Variants in FBXL7 observed in about 807,000 individuals in gnomAD.
FBXL7 encodes the protein F-box/LRR-repeat protein 7.
A neutral mutation model predicts 38.3 loss-of-function variants in FBXL7; 12 were observed. That is an observed-to-expected ratio of 0.31 (90% CI 0.20 to 0.51). The LOEUF (loss-of-function observed/expected upper bound fraction) is 0.51. Ranked by LOEUF, FBXL7 falls within the 20% of genes least tolerant of loss-of-function variation. The pLI is 0.98. For missense variants in FBXL7, 567 were observed against 676.4 expected (o/e 0.84, Z 1.79); for synonymous variants, 297 against 300.9 (o/e 0.99, Z 0.13).
At chr5:15,522,490 A>G (rs1426873717) in intron 1 of FBXL7, among the ~76,000 whole-genome samples, 3 of 152,202 alleles carry the variant, frequency 2.0e-5, no homozygotes, top group East Asian at 1.9e-4. Flanking sequence ...ATGCAAATGC[A>G]TACTCGACCT....
At chr5:15,778,517 A>G (rs59041652) in intron 2 of FBXL7, among the ~76,000 whole-genome samples, 9,594 of 152,202 alleles carry the variant, frequency 0.063, 310 homozygotes, top group East Asian at 0.1. Flanking sequence ...TTTGAGGACC[A>G]CTGACCTGAT....
At chr5:15,860,240 G>A (rs1216906763) in intron 2 of FBXL7, among the ~76,000 whole-genome samples, 1 of 152,158 alleles carries the variant, frequency 6.6e-6, no homozygotes, top group African/African-American at 2.4e-5. Flanking sequence ...TTCTATTTAT[G>A]TGGACACATA....
At chr5:15,662,600 C>T (rs1442077151) in intron 2 of FBXL7, among the ~76,000 whole-genome samples, 3 of 152,062 alleles carry the variant, frequency 2.0e-5, no homozygotes, top group Non-Finnish European at 4.4e-5. Flanking sequence ...ATAGTATTGC[C>T]TAGATTGTCT....
At chr5:15,633,558 A>C (rs1280870907) in intron 2 of FBXL7, among the ~76,000 whole-genome samples, 1 of 151,828 alleles carries the variant, frequency 6.6e-6, no homozygotes, top group African/African-American at 2.4e-5. Context: ...ATACATTTCC[A>C]AACTGAAGTT....
chr5:15,788,129 C>T (rs530262254), intron 2 of FBXL7, among the ~76,000 whole-genome samples: 84 of 152,258 alleles, frequency 5.5e-4, no homozygotes, highest in Middle Eastern at 3.4e-3. Flanking sequence ...GTGTCCTCTC[C>T]TCTTCTTCTT....
In FBXL7 at chr5:15,861,887, C is replaced by T. The variant is rs563644121; in HGVS notation, c.128-66003C>T. On this transcript the variant is annotated intron_variant, in intron 2 of 3. Transcript: ENST00000504595. ...GTCTAAGGACCTAGGTTGCAGTAAT[C>T]TTCTACAAATACATATTTTAATATA... Among the ~76,000 whole-genome samples the T allele has an allele frequency of 2.6e-3, 401 of 152,296 alleles. 2 individuals carry two copies. The highest frequency in any genetic ancestry group is 4.7e-3 in the Non-Finnish European group (321 of 68,022).
intron 2 of FBXL7, among the ~76,000 whole-genome samples, chr5:15,739,440 G>A (rs1735837968): frequency 1.3e-5 from 2 of 152,274 alleles, no homozygotes; most frequent in South Asian, 4.2e-4. Context: ...ACAGTTCAGT[G>A]GGTTTTAGTG....
At chr5:15,920,624 G>A (rs994070901) in intron 2 of FBXL7, among the ~76,000 whole-genome samples, 6 of 151,924 alleles carry the variant, frequency 3.9e-5, no homozygotes, top group African/African-American at 9.7e-5. Flanking sequence ...GGGTTCAAGC[G>A]ATTCTCCTGC....
At chr5:15,541,030 A>ATATATG (rs1359531690) in intron 1 of FBXL7, among the ~76,000 whole-genome samples, 1 of 151,252 alleles carries the variant, frequency 6.6e-6, no homozygotes, top group East Asian at 1.9e-4. Context: ...CTCCTTATCC[A>ATATATG]TATATGTATA....
intron 2 of FBXL7, among the ~76,000 whole-genome samples, chr5:15,650,126 C>G (rs1249300482): frequency 6.6e-6 from 1 of 152,136 alleles, no homozygotes. Flanking sequence ...AACTGAGCCA[C>G]AGACCAACAT....
At chr5:15,893,355 GGCC>G (rs534058611) in intron 2 of FBXL7, among the ~76,000 whole-genome samples, 292 of 152,164 alleles carry the variant, frequency 1.9e-3, no homozygotes, top group African/African-American at 6.8e-3. Flanking sequence ...AACAAGAAAT[GGCC>G]AGAGTTAATT....
At chr5:15,588,568 G>T (rs1195900086) in intron 1 of FBXL7, among the ~76,000 whole-genome samples, 1 of 151,978 alleles carries the variant, frequency 6.6e-6, no homozygotes, top group Non-Finnish European at 1.5e-5. Context: ...TGTATTTTTA[G>T]TAGAGACAGG....
chr5:15,839,436 A>AT (rs150092463), intron 2 of FBXL7, among the ~76,000 whole-genome samples: 6 of 151,834 alleles, frequency 4.0e-5, no homozygotes, highest in East Asian at 3.9e-4. Context: ...AATCTATCTG[A>AT]TTTTTTTTAT....
intron 1 of FBXL7, among the ~76,000 whole-genome samples, chr5:15,509,405 C>T (rs1000693339): frequency 2.6e-5 from 4 of 152,092 alleles, no homozygotes; most frequent in African/African-American, 9.7e-5. Context: ...GCATGGAGGC[C>T]AGTGATTTCC....
At chr5:15,705,955 C>A (rs915645021) in intron 2 of FBXL7, among the ~76,000 whole-genome samples, 1 of 151,808 alleles carries the variant, frequency 6.6e-6, no homozygotes, top group Non-Finnish European at 1.5e-5. Context: ...AGGGTGAATT[C>A]TAAGGATATA....
chr5:15,638,102 G>A (rs557697174), intron 2 of FBXL7, among the ~76,000 whole-genome samples: 2 of 152,288 alleles, frequency 1.3e-5, no homozygotes, highest in African/African-American at 4.8e-5. Flanking sequence ...CACCCCCCAG[G>A]TGATCAGTCT....
intron 2 of FBXL7, among the ~76,000 whole-genome samples, chr5:15,645,179 A>G (rs929703111): frequency 6.6e-6 from 1 of 152,122 alleles, no homozygotes; most frequent in African/African-American, 2.4e-5. Flanking sequence ...CTTTATGTCA[A>G]TTGACACACT....
Position 15,844,549 on chromosome 5 carries a change from T to A in FBXL7, c.128-83341T>A, listed in dbSNP as rs1327842360. Among the ~76,000 whole-genome samples, 4 of 152,210 alleles carry A rather than the reference T, an allele frequency of 2.6e-5. No individual in the cohort carries two copies. The South Asian group carries it at 6.2e-4, about 24-fold the overall frequency. ...GCCATCTCTCATGATCGGTAGAGCA[T>A]AGCTGAGTATAGAGTATGCAGGATA... On this transcript the variant is annotated intron_variant, in intron 2 of 3. Coordinates refer to ENST00000504595, the MANE Select transcript of FBXL7 (RefSeq NM_012304.5).
chr5:15,653,860 C>A (rs895036136), intron 2 of FBXL7, among the ~76,000 whole-genome samples: 5 of 152,184 alleles, frequency 3.3e-5, no homozygotes, highest in Admixed American at 2.0e-4. Flanking sequence ...CAGAAGCTAC[C>A]AGTAAAGACA....
Sources: gnomAD v4.1 joint callset for allele counts (sites outside exome capture counted in the v4.1 genomes callset) on GRCh38, gnomAD v4.1.1 for gene constraint, MANE v1.5 for transcripts, NCBI Gene and HGNC (gene_info 2026-07-23, HGNC 2026-07-21) for gene names.